STXBP5: variants seen among roughly 807,000 people sequenced by gnomAD.
STXBP5 encodes the protein syntaxin-binding protein 5.
STXBP5 carries 50 observed loss-of-function variants against 152.4 expected under a neutral mutation model. The ratio of observed to expected loss-of-function variants is 0.33; its 90% confidence interval spans 0.26 to 0.42. The LOEUF (loss-of-function observed/expected upper bound fraction) is 0.42, where lower values mean the gene tolerates loss of function less well. STXBP5 is among the 10% of genes least tolerant of loss of function. STXBP5 has a pLI of 1.00. For synonymous variants in STXBP5, 492 were observed against 494.7 expected (o/e 0.99, Z 0.07); for missense variants, 1,167 against 1,388.6 (o/e 0.84, Z 2.54).
intron 25 of STXBP5, among the ~76,000 whole-genome samples, chr6:147,367,035 C>A (rs978352906): frequency 3.9e-5 from 6 of 152,074 alleles, no homozygotes; most frequent in African/African-American, 1.4e-4. Flanking sequence ...GACATACATA[C>A]CAGAATTGGC....
At chr6:147,383,107 T>A (rs1786172727) in intron 27 of STXBP5, 109 bp downstream of exon 27, 1 of 1,292,794 alleles carries the variant, frequency 7.7e-7, no homozygotes, top group African/African-American at 1.5e-5. Flanking sequence ...TTTGCATATA[T>A]TCATTGTACA....
chr6:147,280,804 C>T (rs887257353), intron 8 of STXBP5, among the ~76,000 whole-genome samples: 4 of 152,070 alleles, frequency 2.6e-5, no homozygotes, highest in African/African-American at 9.7e-5. Flanking sequence ...CAATATGTGA[C>T]TTAATGTTTT....
At chr6:147,209,261 C>T (rs1200745876) in intron 2 of STXBP5, among the ~76,000 whole-genome samples, 5 of 152,032 alleles carry the variant, frequency 3.3e-5, no homozygotes, top group Admixed American at 2.6e-4. Flanking sequence ...ATCGAAGAAC[C>T]TCATTCATTG....
chr6:147,222,887 A>G (rs1052691412), intron 2 of STXBP5, among the ~76,000 whole-genome samples: 18 of 152,222 alleles, frequency 1.2e-4, no homozygotes, highest in African/African-American at 2.9e-4. Flanking sequence ...GCCTCCGGCT[A>G]TTCCTCAGTT....
At chr6:147,221,799 G>A (rs978628789) in intron 2 of STXBP5, among the ~76,000 whole-genome samples, 11 of 150,340 alleles carry the variant, frequency 7.3e-5, no homozygotes, top group Non-Finnish European at 1.3e-4. Flanking sequence ...TCGAATTTGT[G>A]GTTGGTATCC....
intron 16 of STXBP5, among the ~76,000 whole-genome samples, chr6:147,319,454 A>G (rs563442712): frequency 6.6e-6 from 1 of 152,344 alleles, no homozygotes; most frequent in South Asian, 2.1e-4. Context: ...TGAGCATATG[A>G]CAAGTGATTC....
intron 18 of STXBP5, among the ~76,000 whole-genome samples, chr6:147,333,458 A>T (rs931914151): frequency 2.6e-5 from 4 of 152,234 alleles, no homozygotes; most frequent in African/African-American, 9.6e-5. Context: ...CAGGATGCGC[A>T]GGTTGCGGTG....
Position 147,389,681 on chromosome 6 carries a change from T to C in STXBP5, c.*4926T>C, listed in dbSNP as rs1249964004. The C allele has an allele frequency of 6.6e-6, 1 of 151,912 alleles. No homozygotes were observed. Among genetic ancestry groups the C allele is most frequent in the Non-Finnish European group, 1.5e-5 (1 of 67,866 alleles). The allele number at this position is 151,912 out of a possible 1,614,324, so 9.4% of individuals were successfully genotyped here. A position where few individuals can be genotyped will look rare whatever the true frequency, so the allele number is the denominator to read the frequency against. ...GGAATCCTATTTATTTGGTAGTTGG[T>C]TTTGTTTGTTTTTGTTTATTTACTT... On this transcript the variant is annotated 3_prime_UTR_variant, in exon 28 of 28. Transcript: ENST00000321680.
chr6:147,286,391 T>C (rs1780963816), intron 8 of STXBP5, among the ~76,000 whole-genome samples: 1 of 152,180 alleles, frequency 6.6e-6, no homozygotes, highest in Admixed American at 6.5e-5. Context: ...TTTATAAAAA[T>C]TTAATATGGG....
chr6:147,364,592 GT>G (rs1180035696), intron 25 of STXBP5, among the ~76,000 whole-genome samples: 2 of 152,190 alleles, frequency 1.3e-5, no homozygotes, highest in Non-Finnish European at 2.9e-5. Flanking sequence ...AGAAAAAAAT[GT>G]TATTTGGTAG....
chr6:147,227,751 AC>A (rs751617440), intron 2 of STXBP5, among the ~76,000 whole-genome samples: 10 of 152,148 alleles, frequency 6.6e-5, no homozygotes, highest in Non-Finnish European at 1.2e-4. Flanking sequence ...ATTAATATAA[AC>A]TTTTAGTTTG....
At chr6:147,358,544 A>G (rs1784912521) in intron 22 of STXBP5, among the ~76,000 whole-genome samples, 1 of 152,200 alleles carries the variant, frequency 6.6e-6, no homozygotes. Context: ...CTTGACCTTT[A>G]AACAATGCAG....
At position 147,204,425 on chromosome 6, in the gene STXBP5, AC is replaced by A; in HGVS notation, c.-107del. 1 of 1,034,742 alleles carries A rather than the reference AC, an allele frequency of 9.7e-7. No homozygotes were observed. The highest frequency in any genetic ancestry group is 1.4e-6 in the Non-Finnish European group (1 of 700,980). The allele number at this position is 1,034,742 out of a possible 1,614,324, so 64.1% of individuals were successfully genotyped here. On this transcript the variant is annotated 5_prime_UTR_variant, in exon 1 of 28. Coordinates refer to ENST00000321680, the MANE Select transcript of STXBP5 (RefSeq NM_001127715.4). This position sits in a 1 kb window ranked among gnomAD's most constrained non-coding sequence, Gnocchi z 4.3. ...GCTGCCTCCTTACCCTCACACTCCC[AC>A]TCCTCCGTTTCCGCGGTCGAAGCTG...
intron 2 of STXBP5, among the ~76,000 whole-genome samples, chr6:147,223,333 TC>T (rs1182160753): frequency 6.6e-6 from 1 of 152,184 alleles, no homozygotes; most frequent in African/African-American, 2.4e-5. Context: ...GAAGTGCTCT[TC>T]ATTATGTTCA....
At chr6:147,225,656 T>TACCACTGTATTA (rs1777673323) in intron 2 of STXBP5, among the ~76,000 whole-genome samples, 2 of 152,242 alleles carry the variant, frequency 1.3e-5, no homozygotes, top group South Asian at 4.1e-4. Context: ...ATTTTCATAA[T>TACCACTGTATTA]ACACAGTGGT....
chr6:147,323,413 C>T (rs1406941905), intron 16 of STXBP5, among the ~76,000 whole-genome samples: 3 of 150,260 alleles, frequency 2.0e-5, no homozygotes, highest in East Asian at 2.0e-4. Context: ...TTTTTGGAGA[C>T]GGAGATCTCA....
intron 27 of STXBP5, among the ~76,000 whole-genome samples, chr6:147,383,594 A>C (rs914628102): frequency 6.6e-5 from 10 of 152,074 alleles, no homozygotes; most frequent in African/African-American, 2.4e-4. Context: ...AAAAGCCTTT[A>C]CGGGAAATAA....
intron 18 of STXBP5, among the ~76,000 whole-genome samples, chr6:147,328,170 C>A (rs1783369967): frequency 6.6e-6 from 1 of 152,072 alleles, no homozygotes; most frequent in Non-Finnish European, 1.5e-5. Flanking sequence ...ACTTCTTGCC[C>A]TTTTTTTATT....
chr6:147,216,659 A>C (rs1777183619), intron 2 of STXBP5, among the ~76,000 whole-genome samples: 1 of 152,154 alleles, frequency 6.6e-6, no homozygotes. Flanking sequence ...CCATTTCTCC[A>C]ACTAGTATTC....
Sources: gnomAD v4.1 joint callset for allele counts (sites outside exome capture counted in the v4.1 genomes callset) on GRCh38, gnomAD v4.1.1 for gene constraint, Gnocchi (gnomAD v3.1) non-coding constraint, MANE v1.5 for transcripts, NCBI Gene and HGNC (gene_info 2026-07-23, HGNC 2026-07-21) for gene names.